KIAA1958: variants seen among roughly 807,000 people sequenced by gnomAD.
KIAA1958 encodes the protein uncharacterized protein KIAA1958.
A neutral mutation model predicts 47.2 loss-of-function variants in KIAA1958; 14 were observed. The ratio of observed to expected loss-of-function variants is 0.30; its 90% CI spans 0.20 to 0.46. The LOEUF (loss-of-function observed/expected upper bound fraction) is 0.46, where lower values mean the gene tolerates loss of function less well. KIAA1958 is among the 20% of genes least tolerant of loss of function. The pLI is 1.00. For missense variants in KIAA1958, 803 were observed against 909.2 expected (o/e 0.88, Z 1.50); for synonymous variants, 354 against 353.3 (o/e 1.00, Z -0.02).
chr9:112,519,213 G>A (rs532823777), intron 1 of KIAA1958, among the ~76,000 whole-genome samples: 50 of 152,170 alleles, frequency 3.3e-4, no homozygotes, highest in Non-Finnish European at 5.9e-4. Context: ...CAAAGTGTTA[G>A]GATTACAGAC....
At chr9:112,522,695 A>G (rs1834570148) in intron 1 of KIAA1958, among the ~76,000 whole-genome samples, 1 of 152,112 alleles carries the variant, frequency 6.6e-6, no homozygotes, top group Non-Finnish European at 1.5e-5. Context: ...ATATCTACTT[A>G]TTTATGGCTC....
intron 3 of KIAA1958, among the ~76,000 whole-genome samples, chr9:112,649,091 G>A (rs571048310): frequency 5.6e-4 from 86 of 152,304 alleles, no homozygotes; most frequent in African/African-American, 2.0e-3. Context: ...TTTACTTAGA[G>A]AAGAAAATAT....
At chr9:112,523,311 C>T (rs577915876) in intron 1 of KIAA1958, among the ~76,000 whole-genome samples, 4 of 152,114 alleles carry the variant, frequency 2.6e-5, no homozygotes, top group East Asian at 3.9e-4. Flanking sequence ...ATTAGCCGGG[C>T]GTGGTGATGT....
At chr9:112,539,956 A>G (rs1228143394) in intron 1 of KIAA1958, among the ~76,000 whole-genome samples, 1 of 152,144 alleles carries the variant, frequency 6.6e-6, no homozygotes, top group Non-Finnish European at 1.5e-5. Flanking sequence ...TTCCCAAAGT[A>G]CTAGGATTAC....
intron 1 of KIAA1958, among the ~76,000 whole-genome samples, chr9:112,548,700 T>C (rs1453988505): frequency 2.0e-5 from 3 of 152,240 alleles, no homozygotes; most frequent in Non-Finnish European, 4.4e-5. Flanking sequence ...CATAGTAGTC[T>C]TAATGTTTTT....
chr9:112,656,492 G>A (rs1030222775), intron 3 of KIAA1958, among the ~76,000 whole-genome samples: 1 of 151,570 alleles, frequency 6.6e-6, no homozygotes, highest in African/African-American at 2.4e-5. Context: ...CCATGCCCTC[G>A]CTGTGGGTGG....
At chr9:112,642,354 GGCA>G (rs1214259279) in intron 2 of KIAA1958, among the ~76,000 whole-genome samples, 1 of 152,214 alleles carries the variant, frequency 6.6e-6, no homozygotes, top group Non-Finnish European at 1.5e-5. Context: ...TTTGAGAGAT[GGCA>G]GCGTTCAGGG....
intron 2 of KIAA1958, among the ~76,000 whole-genome samples, chr9:112,594,726 A>T (rs78598809): frequency 3.3e-5 from 5 of 152,184 alleles, no homozygotes; most frequent in Non-Finnish European, 7.4e-5. Context: ...AGGTTTTTCA[A>T]TTATCTTGGG....
intron 1 of KIAA1958, among the ~76,000 whole-genome samples, chr9:112,497,915 T>TTTG (rs964294354): frequency 1.3e-5 from 2 of 152,152 alleles, no homozygotes; most frequent in African/African-American, 2.4e-5. Context: ...AAGTAGTTTT[T>TTTG]TTGTTGTTGT....
At chr9:112,625,455 A>G (rs899916939) in intron 2 of KIAA1958, among the ~76,000 whole-genome samples, 8 of 152,100 alleles carry the variant, frequency 5.3e-5, no homozygotes, top group African/African-American at 1.9e-4. Flanking sequence ...CTCTGTCCTC[A>G]TCCACCCTTT....
intron 1 of KIAA1958, among the ~76,000 whole-genome samples, chr9:112,535,445 A>G (rs1397109439): frequency 6.6e-6 from 1 of 152,108 alleles, no homozygotes; most frequent in Non-Finnish European, 1.5e-5. Context: ...TTAGCAGTCC[A>G]TTGTATAAAT....
chr9:112,521,005 T>C (rs1834530784), intron 1 of KIAA1958, among the ~76,000 whole-genome samples: 1 of 152,224 alleles, frequency 6.6e-6, no homozygotes, highest in South Asian at 2.1e-4. Context: ...ATTTCTCCTT[T>C]ACATTATAAG....
rs80090984 is a variant in KIAA1958 at position 112,577,025 on chromosome 9, A to G, written c.1171+1774A>G. Among the ~76,000 whole-genome samples the G allele has an allele frequency of 1.8e-4, 27 of 152,294 alleles. No individual in the cohort carries two copies. The East Asian group carries it at 5.0e-3, about 28-fold the overall frequency. The stretch of plus-strand genomic sequence containing the variant: ...ACACTTGTTATTTTTCATGTTTAAA[A>G]AAATAATAAATATCCTATTGGGTGT... On this transcript the variant is annotated intron_variant, in intron 2 of 3. Coordinates refer to ENST00000337530, the MANE Select transcript of KIAA1958 (RefSeq NM_133465.4).
At chr9:112,630,086 T>G (rs1836682367) in intron 2 of KIAA1958, among the ~76,000 whole-genome samples, 1 of 151,982 alleles carries the variant, frequency 6.6e-6, no homozygotes, top group Admixed American at 6.5e-5. Flanking sequence ...ACCACTGAAG[T>G]TGGGGGGAAG....
chr9:112,646,949 C>G (rs1171654320), intron 3 of KIAA1958, among the ~76,000 whole-genome samples: 1 of 152,184 alleles, frequency 6.6e-6, no homozygotes, highest in Non-Finnish European at 1.5e-5. Flanking sequence ...CATGGTGGAA[C>G]TGTTAAAGCT....
intron 1 of KIAA1958, among the ~76,000 whole-genome samples, chr9:112,573,100 C>G (rs367589434): frequency 2.4e-4 from 36 of 152,322 alleles, no homozygotes; most frequent in African/African-American, 8.2e-4. Flanking sequence ...CCCTTGCAGA[C>G]TCCACATGTC....
At chr9:112,513,235 C>T (rs1334791576) in intron 1 of KIAA1958, among the ~76,000 whole-genome samples, 2 of 126,908 alleles carry the variant, frequency 1.6e-5, no homozygotes, top group Non-Finnish European at 1.6e-5. Context: ...GAACTCCTGA[C>T]CTCAGGTGAT....
intron 3 of KIAA1958, among the ~76,000 whole-genome samples, chr9:112,657,283 A>G (rs1837167033): frequency 1.3e-5 from 2 of 151,738 alleles, no homozygotes; most frequent in African/African-American, 2.4e-5. Flanking sequence ...TTAGTAGAGA[A>G]GGGGTTTCGC....
chr9:112,577,790 G>C (rs1329549522), intron 2 of KIAA1958, among the ~76,000 whole-genome samples: 1 of 147,714 alleles, frequency 6.8e-6, no homozygotes, highest in Non-Finnish European at 1.5e-5. Flanking sequence ...AAAAAAAAAC[G>C]AATCCATTTA....
Sources: allele counts gnomAD v4.1 joint callset (sites outside exome capture counted in the v4.1 genomes callset), GRCh38; gene constraint gnomAD v4.1.1; transcripts MANE v1.5; gene names NCBI Gene and HGNC (gene_info 2026-07-23, HGNC 2026-07-21).